The following PKD2L1 variants were observed in gnomAD, a reference collection of about 807,000 sequenced individuals.
The protein encoded by PKD2L1 is polycystin 2 like 1, transient receptor potential cation channel, also known as polycystin-2-like protein 1.
A neutral mutation model predicts 93.0 loss-of-function variants in PKD2L1; 77 were observed. That is an observed-to-expected ratio of 0.83 (90% CI 0.69 to 1.00). The LOEUF is 1.00. Among genes scored for constraint, PKD2L1 ranks in the 50% least tolerant of loss-of-function variants. PKD2L1 has a pLI of 0.00. For synonymous variants in PKD2L1, 390 were observed against 388.0 expected (o/e 1.01, Z -0.06); for missense variants, 977 against 990.9 (o/e 0.99, Z 0.19).
At chr10:100,289,312 G>A (rs1202083265) in intron 14 of PKD2L1, among the ~76,000 whole-genome samples, 1 of 152,164 alleles carries the variant, frequency 6.6e-6, no homozygotes, top group African/African-American at 2.4e-5. Flanking sequence ...GGACGAGGTG[G>A]GTGGATCACC....
intron 14 of PKD2L1, 98 bp from the exon 15 acceptor site, chr10:100,289,154 G>A (rs1848347706): frequency 1.3e-6 from 1 of 772,638 alleles, no homozygotes; most frequent in Non-Finnish European, 2.1e-6. Context: ...GACTGCTATA[G>A]ACTGTTTGCG....
In PKD2L1 at chr10:100,327,136, G is replaced by C. The variant is rs1395489209; in HGVS notation, c.349+2075C>G. 5.3e-5 allele frequency among the ~76,000 whole-genome samples: 8 copies of C among 152,252 alleles called. No homozygotes were observed. The East Asian group carries it at 1.4e-3, about 26-fold the overall frequency. On this transcript the variant is annotated intron_variant, in intron 2 of 15. Coordinates refer to ENST00000318222, the MANE Select transcript of PKD2L1 (RefSeq NM_016112.3). Reference sequence around the variant, plus strand: ...TCAGTCCAACGTCTGGCTCAGAGGAGGTGGCTCCATAAGAGGAAGGAAACA... The same window carrying C: ...TCAGTCCAACGTCTGGCTCAGAGGACGTGGCTCCATAAGAGGAAGGAAACA...
At chr10:100,292,048 A>C (rs1848417493) in intron 11 of PKD2L1, among the ~76,000 whole-genome samples, 1 of 151,594 alleles carries the variant, frequency 6.6e-6, no homozygotes, top group Non-Finnish European at 1.5e-5. Context: ...CTTGTGAGCT[A>C]TTCATCCTCC....
At position 100,296,313 on chromosome 10, in the gene PKD2L1, G is replaced by A. The variant is rs201895041; in HGVS notation, c.1186-21C>T. On this transcript the variant is annotated intron_variant, in intron 6 of 15. Transcript: ENST00000318222. ...GAGAGCTGTCACACAGGGGTCATGG[G>A]GGTGTCAGAGAAGGCAAGGGGATCT... is the stretch of plus-strand genomic sequence containing the variant. 13 of 1,548,130 alleles carry A rather than the reference G, an allele frequency of 8.4e-6. No individual in the cohort carries two copies. In the East Asian group the frequency reaches 3.0e-4, roughly 35 times the overall value.
chr10:100,311,142 G>A (rs1848923331), intron 2 of PKD2L1, among the ~76,000 whole-genome samples: 1 of 152,184 alleles, frequency 6.6e-6, no homozygotes, highest in Admixed American at 6.5e-5. Context: ...ATTAACTGGT[G>A]TGCTTTTTTC....
intron 2 of PKD2L1, 109 bp downstream of exon 2, chr10:100,329,102 A>G: frequency 9.9e-7 from 1 of 1,008,618 alleles, no homozygotes; most frequent in East Asian, 2.5e-5. Context: ...GCCTGCTTAC[A>G]CAGATAGATG....
intron 2 of PKD2L1, among the ~76,000 whole-genome samples, chr10:100,300,320 G>A (rs1848647222): frequency 6.6e-6 from 1 of 152,018 alleles, no homozygotes. Context: ...GCGACTCAGT[G>A]TTCCCAGATC....
At chr10:100,320,166 A>C (rs1403585738) in intron 2 of PKD2L1, among the ~76,000 whole-genome samples, 1 of 152,256 alleles carries the variant, frequency 6.6e-6, no homozygotes, top group African/African-American at 2.4e-5. Flanking sequence ...TGTGGAAAGA[A>C]AGAAAAATAT....
intron 2 of PKD2L1, among the ~76,000 whole-genome samples, chr10:100,305,250 T>G (rs1848772142): frequency 6.6e-6 from 1 of 152,024 alleles, no homozygotes; most frequent in African/African-American, 2.4e-5. Flanking sequence ...TAGCTGGGAT[T>G]ACGGGCGCCC....
chr10:100,314,706 T>C (rs1030181298), intron 2 of PKD2L1, among the ~76,000 whole-genome samples: 18 of 149,042 alleles, frequency 1.2e-4, no homozygotes, highest in African/African-American at 4.4e-4. Flanking sequence ...AGCTTCTTTA[T>C]CTAAAATTCA....
chr10:100,323,803 C>T (rs1429577142), intron 2 of PKD2L1, among the ~76,000 whole-genome samples: 2 of 152,050 alleles, frequency 1.3e-5, no homozygotes, highest in African/African-American at 4.8e-5. Flanking sequence ...GTTTTTAATA[C>T]ACTTTTTAAG....
intron 2 of PKD2L1, among the ~76,000 whole-genome samples, chr10:100,326,704 T>C (rs1013276586): frequency 6.6e-6 from 1 of 152,250 alleles, no homozygotes; most frequent in Non-Finnish European, 1.5e-5. Context: ...TTCATGGCTA[T>C]TATCTCACAT....
At chr10:100,310,311 T>C (rs543611058) in intron 2 of PKD2L1, among the ~76,000 whole-genome samples, 2 of 152,046 alleles carry the variant, frequency 1.3e-5, no homozygotes, top group South Asian at 4.2e-4. Flanking sequence ...CACACTCCAG[T>C]CTGGGTGACA....
intron 7 of PKD2L1, 114 bp downstream of exon 7, chr10:100,296,008 G>C (rs1848526424): frequency 1.1e-6 from 1 of 921,002 alleles, no homozygotes; most frequent in African/African-American, 1.8e-5. Flanking sequence ...CTTCACTCCA[G>C]CCTGGGCAAG....
intron 2 of PKD2L1, among the ~76,000 whole-genome samples, chr10:100,315,018 A>G (rs1468781228): frequency 1.0e-4 from 1 of 10,010 alleles, no homozygotes; most frequent in Non-Finnish European, 1.6e-4. Context: ...AAGGAAGGGA[A>G]GGGAAGGGAA....
At chr10:100,296,654 T>C (rs970577939) in intron 6 of PKD2L1, among the ~76,000 whole-genome samples, 2 of 151,900 alleles carry the variant, frequency 1.3e-5, no homozygotes, top group Admixed American at 1.3e-4. Flanking sequence ...GGGCAGAATA[T>C]TTGAATAGAA....
intron 2 of PKD2L1, among the ~76,000 whole-genome samples, chr10:100,326,072 T>C (rs564874398): frequency 6.6e-6 from 1 of 152,292 alleles, no homozygotes; most frequent in South Asian, 2.1e-4. Flanking sequence ...CCCATTAATA[T>C]CCTTAGCACA....
At chr10:100,305,009 C>G (rs1343816230) in intron 2 of PKD2L1, among the ~76,000 whole-genome samples, 1 of 151,820 alleles carries the variant, frequency 6.6e-6, no homozygotes, top group East Asian at 1.9e-4. Flanking sequence ...GAGTAGCTTC[C>G]CAATAAGTGT....
chr10:100,299,799 G>A (rs1848638626), intron 2 of PKD2L1, 81 bp from the exon 3 acceptor site: 3 of 1,318,012 alleles, frequency 2.3e-6, no homozygotes, highest in African/African-American at 1.4e-5. Flanking sequence ...TGGAGTCAGA[G>A]ATGCTTCCAA....
Sources: gnomAD v4.1 joint callset for allele counts (sites outside exome capture counted in the v4.1 genomes callset) on GRCh38, gnomAD v4.1.1 for gene constraint, MANE v1.5 for transcripts, NCBI Gene and HGNC (gene_info 2026-07-23, HGNC 2026-07-21) for gene names.